Variants in PTPN9 observed in about 807,000 individuals in gnomAD.
PTPN9 encodes tyrosine-protein phosphatase non-receptor type 9.
A neutral mutation model predicts 69.8 loss-of-function variants in PTPN9; 26 were observed. The ratio of observed to expected loss-of-function variants is 0.37; its 90% CI spans 0.27 to 0.52. The LOEUF (loss-of-function observed/expected upper bound fraction) is 0.52. Ranked by LOEUF, PTPN9 falls within the 20% of genes least tolerant of loss-of-function variation. PTPN9 has a pLI of 0.91. For synonymous variants in PTPN9, 274 were observed against 272.5 expected (o/e 1.01, Z -0.05); for missense variants, 549 against 740.3 (o/e 0.74, Z 3.00).
intron 8 of PTPN9, among the ~76,000 whole-genome samples, chr15:75,485,026 T>C (rs2074666073): frequency 6.6e-6 from 1 of 152,106 alleles, no homozygotes; most frequent in Non-Finnish European, 1.5e-5. Flanking sequence ...AACTCGGAGT[T>C]TTCCCTCCCA....
At position 75,468,297 on chromosome 15, in the gene PTPN9, T is replaced by A. The variant is rs1354414017; in HGVS notation, c.*472A>T. 1 of 169,536 alleles carries A rather than the reference T, an allele frequency of 5.9e-6. No homozygotes were observed. Among genetic ancestry groups the A allele is most frequent in the African/African-American group, 2.4e-5 (1 of 42,030 alleles). 10.5% of individuals were successfully genotyped at this position (169,536 alleles called of 1,614,324 possible). ...AGGACTGGAATACACGCCCTACTTA[T>A]AAACGTGCTTGGCACTCAGGACGAT... On this transcript the variant is annotated 3_prime_UTR_variant, in exon 13 of 13. Transcript: ENST00000618819.
rs2141666237 is a variant in PTPN9 at position 75,465,539 on chromosome 15, C to T, written c.*3230G>A. On this transcript the variant is annotated 3_prime_UTR_variant, in exon 13 of 13. Coordinates refer to ENST00000618819, the MANE Select transcript of PTPN9 (RefSeq NM_002833.4). ...TTAACACCTAACACAGGTAGGTTCACGCTGGTAAAAGCTACAAACAATGGC... is the reference window on the plus strand; with the variant it reads ...TTAACACCTAACACAGGTAGGTTCATGCTGGTAAAAGCTACAAACAATGGC... The T allele has an allele frequency of 6.6e-6, 1 of 152,338 alleles. No individual in the cohort carries two copies. Among genetic ancestry groups the T allele is most frequent in the South Asian group, 2.1e-4 (1 of 4,824 alleles). 9.4% of individuals were successfully genotyped at this position (152,338 alleles called of 1,614,324 possible). A position where few individuals can be genotyped will look rare whatever the true frequency, so the allele number is the denominator to read the frequency against.
intron 8 of PTPN9, 43 bp downstream of exon 8, chr15:75,490,165 A>G (rs760311393): frequency 2.8e-5 from 40 of 1,428,866 alleles, no homozygotes; most frequent in Admixed American, 6.8e-5. Flanking sequence ...AAGAAGCTCT[A>G]TTTCCCCCAG....
intron 7 of PTPN9, among the ~76,000 whole-genome samples, chr15:75,494,499 C>A (rs146539531): frequency 0.11 from 16,808 of 151,136 alleles, 1,318 homozygotes; most frequent in Non-Finnish European, 0.17. Context: ...ATTACAGGAG[C>A]CTGCCACCAT....
At chr15:75,528,632 C>T (rs921361779) in intron 1 of PTPN9, among the ~76,000 whole-genome samples, 6 of 151,486 alleles carry the variant, frequency 4.0e-5, no homozygotes, top group African/African-American at 4.9e-5. Flanking sequence ...GGGGCTCAAG[C>T]GATCCTCTCA....
intron 8 of PTPN9, among the ~76,000 whole-genome samples, chr15:75,488,775 CAG>C (rs1567476295): frequency 6.6e-6 from 1 of 152,086 alleles, no homozygotes; most frequent in African/African-American, 2.4e-5. Context: ...GCCTGGGTGA[CAG>C]AGTGAGACCC....
At chr15:75,488,780 T>A (rs2074693271) in intron 8 of PTPN9, among the ~76,000 whole-genome samples, 1 of 149,050 alleles carries the variant, frequency 6.7e-6, no homozygotes. Context: ...GGTGACAGAG[T>A]GAGACCCTGT....
intron 1 of PTPN9, among the ~76,000 whole-genome samples, chr15:75,543,135 T>G (rs2075016643): frequency 1.3e-5 from 2 of 151,890 alleles, no homozygotes; most frequent in Admixed American, 6.6e-5. Flanking sequence ...TTGCTGAGAA[T>G]GATGTTTTCC....
chr15:75,469,982 C>T lies in PTPN9; in HGVS notation c.1377G>A (p.Gln459=). 1.9e-6 allele frequency: 3 copies of T among 1,612,994 alleles called. No individual in the cohort carries two copies. The highest frequency in any genetic ancestry group is 2.5e-6 in the Non-Finnish European group (3 of 1,178,936). ...IHNTEERQKR[Q]VTHFQFLSWP... ...AGCTCAAGAACTGGAAGTGGGTCAC[C>T]TGGCGTTTCTGCCGTTCCTTAGATA... The change falls in exon 12 of 13, where the codon CAG becomes CAA. Residue 459 remains glutamine, a synonymous_variant. Transcript: ENST00000618819.
intron 1 of PTPN9, among the ~76,000 whole-genome samples, chr15:75,565,144 TAATAA>T: frequency 6.8e-6 from 1 of 148,048 alleles, no homozygotes. Flanking sequence ...ATAATAATAA[TAATAA>T]TTTTTTAAAA....
rs575614103 is a variant in PTPN9 at position 75,534,757 on chromosome 15, G to A, written c.64-7496C>T. On this transcript the variant is annotated intron_variant, in intron 1 of 12. Transcript: ENST00000618819. Reference sequence around the variant, plus strand: ...GGAGGCCGAGGCAGGTGGATCACCTGAGGTCAGAAGTTTGAGACCAGCCTG... The same window carrying A: ...GGAGGCCGAGGCAGGTGGATCACCTAAGGTCAGAAGTTTGAGACCAGCCTG... 2.6e-5 allele frequency among the ~76,000 whole-genome samples: 4 copies of A among 151,666 alleles called. No homozygotes were observed. The South Asian group carries it at 6.3e-4, about 24-fold the overall frequency.
At chr15:75,569,745 A>G (rs572218069) in intron 1 of PTPN9, among the ~76,000 whole-genome samples, 12 of 151,620 alleles carry the variant, frequency 7.9e-5, no homozygotes, top group South Asian at 4.2e-4. Context: ...CAATTCATTC[A>G]TAAGTACTAG....
chr15:75,558,918 G>A (rs2075089917), intron 1 of PTPN9, among the ~76,000 whole-genome samples: 1 of 152,184 alleles, frequency 6.6e-6, no homozygotes, highest in African/African-American at 2.4e-5. Flanking sequence ...GCCTCCCAAA[G>A]TGCCGAGATT....
intron 7 of PTPN9, among the ~76,000 whole-genome samples, chr15:75,493,171 TAAAC>T (rs779236162): frequency 5.3e-5 from 8 of 150,046 alleles, no homozygotes; most frequent in East Asian, 3.9e-4. Flanking sequence ...AAACAAAAAA[TAAAC>T]AAACAAAAAA....
intron 8 of PTPN9, 86 bp from the exon 9 acceptor site, chr15:75,480,000 A>G (rs1766708623): frequency 1.1e-6 from 1 of 891,300 alleles, no homozygotes; most frequent in Non-Finnish European, 1.7e-6. Flanking sequence ...GTAAAACCCA[A>G]GGTGTGAATA....
chr15:75,470,641 C>G (rs762168452), intron 11 of PTPN9, 39 bp downstream of exon 11: 1 of 1,594,642 alleles, frequency 6.3e-7, no homozygotes, highest in African/African-American at 1.3e-5. Flanking sequence ...TATTCTCCCC[C>G]TGTTTCAACA....
intron 1 of PTPN9, among the ~76,000 whole-genome samples, chr15:75,569,267 C>T (rs76543132): frequency 0.076 from 11,574 of 152,000 alleles, 621 homozygotes; most frequent in Non-Finnish European, 0.12. Context: ...GCCACACTGC[C>T]GTAAAATGGG....
At chr15:75,473,817 T>C (rs773644895) in intron 9 of PTPN9, 50 bp from the exon 10 acceptor site, 1 of 1,449,762 alleles carries the variant, frequency 6.9e-7, no homozygotes, top group Non-Finnish European at 9.7e-7. Context: ...AACACTTTTT[T>C]TCTTTTGTAG....
At chr15:75,548,407 C>G (rs552866113) in intron 1 of PTPN9, among the ~76,000 whole-genome samples, 1 of 151,726 alleles carries the variant, frequency 6.6e-6, no homozygotes, top group Non-Finnish European at 1.5e-5. Context: ...AGGCGCCCAC[C>G]ACCATGCCCA....
Sources: allele counts gnomAD v4.1 joint callset (sites outside exome capture counted in the v4.1 genomes callset), GRCh38; gene constraint gnomAD v4.1.1; transcripts MANE v1.5; gene names NCBI Gene and HGNC (gene_info 2026-07-23, HGNC 2026-07-21).